Variants in FHIT observed in about 807,000 individuals in gnomAD.
The protein encoded by FHIT is fragile histidine triad diadenosine triphosphatase.
In FHIT, 19 loss-of-function variants were observed where a neutral mutation model predicts 17.9. The observed-to-expected ratio is 1.06, with a 90% CI of 0.74 to 1.56. The LOEUF (loss-of-function observed/expected upper bound fraction) is 1.56, where lower values mean the gene tolerates loss of function less well. Among genes scored for constraint, FHIT ranks in the 40% most tolerant of loss-of-function variants. The pLI, the probability that FHIT is intolerant of heterozygous loss-of-function variation, is 0.00. For synonymous variants in FHIT, 81 were observed against 69.7 expected, an observed-to-expected ratio of 1.16 and a Z score of -0.81; for missense variants, 248 against 189.2, an observed-to-expected ratio of 1.31 and a Z score of -1.82.
At chr3:60,032,070 T>C (rs1271108986) in intron 5 of FHIT, among the ~76,000 whole-genome samples, 2 of 152,234 alleles carry the variant, frequency 1.3e-5, no homozygotes, top group African/African-American at 2.4e-5. Context: ...ATGGTCATTA[T>C]AGCTGCTACC....
chr3:61,108,529 A>C (rs1452264451), intron 2 of FHIT, among the ~76,000 whole-genome samples: 1 of 152,202 alleles, frequency 6.6e-6, no homozygotes, highest in Non-Finnish European at 1.5e-5. Flanking sequence ...GCTAGAGAAA[A>C]AATAGCCTAT....
chr3:61,173,611 G>C (rs2038074554), intron 2 of FHIT, among the ~76,000 whole-genome samples: 2 of 152,158 alleles, frequency 1.3e-5, no homozygotes, highest in African/African-American at 2.4e-5. Context: ...CAAGCTTTCA[G>C]CGGAAGAAAG....
At chr3:60,931,404 C>T (rs1021908548) in intron 3 of FHIT, among the ~76,000 whole-genome samples, 3 of 152,246 alleles carry the variant, frequency 2.0e-5, no homozygotes, top group South Asian at 2.1e-4. Context: ...CACATATTTA[C>T]GTATTCATGT....
intron 4 of FHIT, among the ~76,000 whole-genome samples, chr3:60,726,139 G>T (rs1336624736): frequency 6.6e-6 from 1 of 152,120 alleles, no homozygotes; most frequent in Non-Finnish European, 1.5e-5. Flanking sequence ...TGATCAAGTT[G>T]CTGACAACAA....
chr3:61,146,440 T>C (rs947964047), intron 2 of FHIT, among the ~76,000 whole-genome samples: 2 of 151,996 alleles, frequency 1.3e-5, no homozygotes, highest in African/African-American at 2.4e-5. Flanking sequence ...ACAACCTAAT[T>C]TGGACTATAA....
At chr3:60,858,929 G>A (rs1483878130) in intron 3 of FHIT, among the ~76,000 whole-genome samples, 1 of 152,188 alleles carries the variant, frequency 6.6e-6, no homozygotes, top group Non-Finnish European at 1.5e-5. Context: ...CACCATGATA[G>A]TGTTCCCCCA....
At chr3:59,856,598 T>C (rs943705964) in intron 8 of FHIT, among the ~76,000 whole-genome samples, 1 of 152,260 alleles carries the variant, frequency 6.6e-6, no homozygotes, top group African/African-American at 2.4e-5. Flanking sequence ...ACAAATTTTA[T>C]TTCCAATATA....
intron 7 of FHIT, among the ~76,000 whole-genome samples, chr3:59,939,574 G>A (rs1706409304): frequency 6.6e-6 from 1 of 152,106 alleles, no homozygotes; most frequent in African/African-American, 2.4e-5. Context: ...TTAACATTTG[G>A]TCAAGAAAGC....
intron 5 of FHIT, among the ~76,000 whole-genome samples, chr3:60,027,300 T>G (rs1700793554): frequency 6.6e-6 from 1 of 152,218 alleles, no homozygotes; most frequent in Non-Finnish European, 1.5e-5. Flanking sequence ...ACAAATGTTC[T>G]GGCAATTCTG....
chr3:59,853,773 G>A lies in FHIT; in HGVS notation c.348+68573C>T, dbSNP rs936964325. ...GACACTTTCCATCTCATGCCATGTT[G>A]GAACTTCCCAGAGACAGTTAAAATT... On this transcript the variant is annotated intron_variant, in intron 8 of 9. Coordinates refer to ENST00000492590, the MANE Select transcript of FHIT (RefSeq NM_002012.4). 2.2e-4 allele frequency among the ~76,000 whole-genome samples: 34 copies of A among 151,974 alleles called. 1 individual carries two copies. Among genetic ancestry groups the A allele is most frequent in the African/African-American group, 7.7e-4 (32 of 41,384 alleles).
At chr3:61,237,596 T>A (rs918456507) in intron 1 of FHIT, among the ~76,000 whole-genome samples, 2 of 152,214 alleles carry the variant, frequency 1.3e-5, no homozygotes, top group South Asian at 4.1e-4. Context: ...CTGGAATGCA[T>A]GTATAACTGC....
rs2036596659 is a variant in FHIT, at chr3:61,126,062, G to A, written c.-164+74555C>T. Among the ~76,000 whole-genome samples the A allele has an allele frequency of 2.0e-5, 3 of 152,084 alleles. 1 individual carries two copies. The highest frequency in any genetic ancestry group is 6.3e-3 in the Middle Eastern group (2 of 316). ...AACAGTGTGGAGCTGGGGCTGGGTT[G>A]GGACCTCTGTGGTCCAAAGCCCCAG... On this transcript the variant is annotated intron_variant, in intron 2 of 9. Transcript: ENST00000492590.
intron 4 of FHIT, among the ~76,000 whole-genome samples, chr3:60,815,370 G>T (rs928968973): frequency 6.6e-6 from 1 of 152,070 alleles, no homozygotes; most frequent in Non-Finnish European, 1.5e-5. Context: ...CATACTTTGA[G>T]TTCTTACATT....
chr3:60,252,171 T>C (rs962782762), intron 5 of FHIT, among the ~76,000 whole-genome samples: 2 of 152,178 alleles, frequency 1.3e-5, no homozygotes, highest in African/African-American at 4.8e-5. Flanking sequence ...GGTTCTGTGT[T>C]AGACACTTGA....
intron 2 of FHIT, among the ~76,000 whole-genome samples, chr3:61,099,128 A>C (rs1456750109): frequency 6.6e-6 from 1 of 152,132 alleles, no homozygotes; most frequent in East Asian, 1.9e-4. Flanking sequence ...TTTTAACATA[A>C]ATGGGTATTA....
At chr3:60,898,336 T>G (rs13326903) in intron 3 of FHIT, among the ~76,000 whole-genome samples, 2,811 of 152,288 alleles carry the variant, frequency 0.018, 72 homozygotes, top group African/African-American at 0.062. Flanking sequence ...ACACACACCT[T>G]CATGAATTTG....
chr3:60,609,341 T>G lies in FHIT; in HGVS notation c.-17-72362A>C, dbSNP rs564700560. ...TGCTTCCTTTTTTATTTATTTTTTT[T>G]TTGAGACTGAGTCTAGCTGTGTCGC... On this transcript the variant is annotated intron_variant, in intron 4 of 9. Transcript: ENST00000492590. Among the ~76,000 whole-genome samples the G allele has an allele frequency of 6.6e-5, 10 of 152,266 alleles. No individual in the cohort carries two copies. The South Asian group carries it at 1.7e-3, about 25-fold the overall frequency.
At chr3:61,105,920 T>A (rs2035976265) in intron 2 of FHIT, among the ~76,000 whole-genome samples, 1 of 152,256 alleles carries the variant, frequency 6.6e-6, no homozygotes, top group African/African-American at 2.4e-5. Context: ...ACCTCTCATT[T>A]GCCCAGAAGT....
intron 4 of FHIT, among the ~76,000 whole-genome samples, chr3:60,758,384 G>T (rs1431598026): frequency 6.6e-6 from 1 of 152,136 alleles, no homozygotes; most frequent in East Asian, 1.9e-4. Flanking sequence ...TGTTTCCTGT[G>T]GGGCTGACTG....
Sources: allele counts gnomAD v4.1 joint callset (sites outside exome capture counted in the v4.1 genomes callset), GRCh38; gene constraint gnomAD v4.1.1; transcripts MANE v1.5; gene names NCBI Gene and HGNC (gene_info 2026-07-23, HGNC 2026-07-21).